The following TRIO variants were observed in gnomAD, a reference collection of about 807,000 sequenced individuals.
TRIO encodes the protein triple functional domain protein.
TRIO carries 58 observed loss-of-function variants against 351.9 expected under a neutral mutation model. The observed-to-expected ratio is 0.16, with a 90% confidence interval of 0.13 to 0.21. The LOEUF (loss-of-function observed/expected upper bound fraction) is 0.21, where lower values mean the gene tolerates loss of function less well. Ranked by LOEUF, TRIO falls within the 10% of genes least tolerant of loss-of-function variation. The probability of loss-of-function intolerance (pLI) is 1.00; values close to 1 mark genes in which losing one functional copy is unlikely to be tolerated. For missense variants in TRIO, 3,201 were observed against 4,027.8 expected (o/e 0.79, Z 5.56); for synonymous variants, 1,758 against 1,595.7 (o/e 1.10, Z -2.42).
intron 10 of TRIO, among the ~76,000 whole-genome samples, chr5:14,333,545 C>T (rs1218996811): frequency 6.6e-6 from 1 of 152,180 alleles, no homozygotes; most frequent in Non-Finnish European, 1.5e-5. Context: ...ACTTTGTTGT[C>T]TTTTAAACCA....
At position 14,424,651 on chromosome 5, in the gene TRIO, C is replaced by G. The variant is rs188314705; in HGVS notation, c.5203+4630C>G. Among the ~76,000 whole-genome samples the G allele has an allele frequency of 4.1e-4, 62 of 152,310 alleles. No homozygotes were observed. In the East Asian group the frequency reaches 9.4e-3, roughly 23 times the overall value. The stretch of plus-strand genomic sequence containing the variant: ...CAACTCCAGTGGGCACTACCAAGAT[C>G]AGCTCTCAGGCTTGACCAGACTGGC... On this transcript the variant is annotated intron_variant, in intron 34 of 56. Coordinates refer to ENST00000344204, the MANE Select transcript of TRIO (RefSeq NM_007118.4).
At position 14,297,204 on chromosome 5, in the gene TRIO, C is replaced by T; in HGVS notation, c.1309C>T (p.Leu437=). The change falls in exon 7 of 57, where the codon CTG becomes TTG. Residue 437 remains leucine (L), a synonymous_variant. Coordinates refer to ENST00000344204, the MANE Select transcript of TRIO (RefSeq NM_007118.4). ...EQEWKAFAAA[L]DERSTLLDMS... Reference sequence around the variant, plus strand: ...GGAGTGGAAGGCGTTTGCGGCAGCCCTGGATGAGCGGAGCACCTTGCTGGA... The same window carrying T: ...GGAGTGGAAGGCGTTTGCGGCAGCCTTGGATGAGCGGAGCACCTTGCTGGA... 1 of 1,614,194 alleles carries T rather than the reference C, an allele frequency of 6.2e-7. No individual in the cohort carries two copies.
chr5:14,389,547 A>C, intron 25 of TRIO, 149 bp downstream of exon 25: 1 of 565,476 alleles, frequency 1.8e-6, no homozygotes, highest in Non-Finnish European at 3.0e-6. Context: ...CTCCAAAAAG[A>C]CTGACATTCT....
At chr5:14,221,220 GA>G (rs1314989809) in intron 1 of TRIO, among the ~76,000 whole-genome samples, 1 of 152,012 alleles carries the variant, frequency 6.6e-6, no homozygotes, top group African/African-American at 2.4e-5. Flanking sequence ...TATTGCTCAG[GA>G]AAAAAGATTT....
In TRIO at chr5:14,498,070, C is replaced by T. The variant is rs545826048; in HGVS notation, c.8048-19C>T. The T allele has an allele frequency of 4.2e-5, 67 of 1,613,924 alleles. No individual in the cohort carries two copies. In the South Asian group the frequency reaches 5.6e-4, roughly 13 times the overall value. On this transcript the variant is annotated intron_variant, in intron 51 of 56. Transcript: ENST00000344204. ...GGAGCCAGGGCTGATGGGCCTTTAC[C>T]GACTCCTTTCCCATGCAGTTCCCCC...
intron 1 of TRIO, among the ~76,000 whole-genome samples, chr5:14,195,713 A>C (rs1423992293): frequency 6.6e-6 from 1 of 152,170 alleles, no homozygotes; most frequent in Non-Finnish European, 1.5e-5. Flanking sequence ...CATTGACTTA[A>C]TTGTTCAGAA....
At position 14,336,626 on chromosome 5, in the gene TRIO, G is replaced by A; in HGVS notation, c.1945G>A (p.Ala649Thr). The change falls in exon 11 of 57, where the codon GCC (alanine) becomes ACC (threonine). Residue 649 changes from alanine to threonine, a missense_variant. Around this residue, in one of 19 missense-constraint regions of TRIO, gnomAD observed 363 missense variants for 553.5 expected, o/e 0.66. Transcript: ENST00000344204. Reference sequence around the variant, plus strand: ...TGACCCCGAAGAGATTTATCAGGCTGCCCATCAGCTGGAAGACCGGATTCA... The same window carrying A: ...TGACCCCGAAGAGATTTATCAGGCTACCCATCAGCTGGAAGACCGGATTCA... ...ECDPEEIYQA[A>T]HQLEDRIQDF... 6.2e-7 allele frequency: 1 copy of A among 1,614,206 alleles called. No individual in the cohort carries two copies. Among genetic ancestry groups the A allele is most frequent in the Non-Finnish European group, 8.5e-7 (1 of 1,180,040 alleles).
chr5:14,201,628 C>T (rs1791115844), intron 1 of TRIO, among the ~76,000 whole-genome samples: 1 of 152,086 alleles, frequency 6.6e-6, no homozygotes, highest in Non-Finnish European at 1.5e-5. Context: ...GTATCTGGAT[C>T]AAAGGAGAGA....
At chr5:14,482,256 G>T (rs571243575) in intron 45 of TRIO, among the ~76,000 whole-genome samples, 13 of 152,254 alleles carry the variant, frequency 8.5e-5, no homozygotes, top group African/African-American at 3.1e-4. Context: ...TCCTGTGCAT[G>T]CCTGATGAGT....
intron 7 of TRIO, among the ~76,000 whole-genome samples, chr5:14,303,284 T>C (rs1581573113): frequency 7.3e-6 from 1 of 137,290 alleles, no homozygotes; most frequent in African/African-American, 2.8e-5. Flanking sequence ...AGATGGAGGG[T>C]GGCAGTGGAG....
At chr5:14,431,066 C>T (rs1374348503) in intron 34 of TRIO, among the ~76,000 whole-genome samples, 2 of 152,210 alleles carry the variant, frequency 1.3e-5, no homozygotes, top group Admixed American at 6.5e-5. Context: ...TTCCTTCCTT[C>T]CTGACACTGT....
chr5:14,481,771 CTTTTTTT>C (rs34046917), intron 45 of TRIO, 153 bp downstream of exon 45: 537 of 189,106 alleles, frequency 2.8e-3, no homozygotes, highest in Middle Eastern at 5.3e-3. Flanking sequence ...ATTTTATTTC[CTTTTTTT>C]TTTTTTTTTT....
At chr5:14,281,907 A>G (rs761895717) in intron 3 of TRIO, among the ~76,000 whole-genome samples, 2 of 152,342 alleles carry the variant, frequency 1.3e-5, no homozygotes, top group African/African-American at 4.8e-5. Context: ...GGTAAAGGTA[A>G]TAGATCTACC....
At chr5:14,231,873 A>G (rs1301301416) in intron 1 of TRIO, among the ~76,000 whole-genome samples, 1 of 146,926 alleles carries the variant, frequency 6.8e-6, no homozygotes, top group Non-Finnish European at 1.5e-5. Flanking sequence ...TTGTTTTCTC[A>G]TACTATCATA....
rs1187240200 is a variant in TRIO, at chr5:14,508,864, TCA to T, written c.*443_*444del. On this transcript the variant is annotated 3_prime_UTR_variant, in exon 57 of 57. Coordinates refer to ENST00000344204, the MANE Select transcript of TRIO (RefSeq NM_007118.4). The stretch of plus-strand genomic sequence containing the variant: ...CCACTCCCATGGCCTTGTCTAGGAC[TCA>T]GAGACCACTCGGCTCTGAGCTTCCA... 1 of 168,344 alleles carries T rather than the reference TCA, an allele frequency of 5.9e-6. No individual in the cohort carries two copies. The highest frequency in any genetic ancestry group is 2.4e-5 in the African/African-American group (1 of 41,540). 10.4% of individuals were successfully genotyped at this position (168,344 alleles called of 1,614,324 possible). A position where few individuals can be genotyped will look rare whatever the true frequency, so the allele number is the denominator to read the frequency against.
intron 19 of TRIO, among the ~76,000 whole-genome samples, chr5:14,377,784 C>T (rs1385263410): frequency 2.0e-5 from 3 of 152,074 alleles, no homozygotes; most frequent in South Asian, 2.1e-4. Context: ...TACAGACTGA[C>T]GTTAAATTTC....
At chr5:14,447,691 A>G (rs1320833378) in intron 34 of TRIO, among the ~76,000 whole-genome samples, 1 of 152,168 alleles carries the variant, frequency 6.6e-6, no homozygotes, top group East Asian at 1.9e-4. Flanking sequence ...ATTTTTTTTC[A>G]ACAAATCATA....
Position 14,222,958 on chromosome 5 carries a change from G to T in TRIO, c.158-47867G>T, listed in dbSNP as rs866459490. Among the ~76,000 whole-genome samples, 10 of 152,268 alleles carry T rather than the reference G, an allele frequency of 6.6e-5. No homozygotes were observed. In the Middle Eastern group the frequency reaches 0.014, roughly 207 times the overall value. On this transcript the variant is annotated intron_variant, in intron 1 of 56. Transcript: ENST00000344204. ...AAGTTCCTGATTGAGGGCGTCTCCC[G>T]GATCAAAAATAAATAGGATTGTTGA...
rs1428612937 is a variant in TRIO at position 14,502,428 on chromosome 5, A to T, written c.8333-151A>T. The T allele has an allele frequency of 1.7e-5, 11 of 640,596 alleles. No homozygotes were observed. Among genetic ancestry groups the T allele is most frequent in the Non-Finnish European group, 2.5e-5 (9 of 358,682 alleles). The allele number at this position is 640,596 out of a possible 1,614,324, so 39.7% of individuals were successfully genotyped here. On this transcript the variant is annotated intron_variant, in intron 53 of 56. Coordinates refer to ENST00000344204, the MANE Select transcript of TRIO (RefSeq NM_007118.4). ...AAGCCCCAGTGTCTGTGTGTCCTTT[A>T]TGCAGCCACCACATCTCCACTCGCA...
Sources: gnomAD v4.1 joint callset for allele counts (sites outside exome capture counted in the v4.1 genomes callset) on GRCh38, gnomAD v4.1.1 for gene constraint, gnomAD v4.1.1 regional missense constraint, MANE v1.5 for transcripts, NCBI Gene and HGNC (gene_info 2026-07-23, HGNC 2026-07-21) for gene names.